Variants in CSMD1 observed in about 807,000 individuals in gnomAD.
CSMD1 encodes the protein CUB and Sushi multiple domains 1.
In CSMD1, 213 loss-of-function variants were observed where a neutral mutation model predicts 417.5. The observed-to-expected ratio is 0.51, with a 90% CI of 0.46 to 0.57. CSMD1 has a LOEUF of 0.57. CSMD1 is among the 20% of genes least tolerant of loss of function. CSMD1 has a pLI of 0.00. For synonymous variants in CSMD1, 2,862 were observed against 1,736.8 expected (o/e 1.65, Z -16.11); for missense variants, 6,923 against 4,529.7 (o/e 1.53, Z -15.17).
intron 5 of CSMD1, among the ~76,000 whole-genome samples, chr8:3,861,465 G>C (rs934326540): frequency 2.6e-5 from 4 of 152,172 alleles, no homozygotes; most frequent in Non-Finnish European, 5.9e-5. Context: ...TATAGCATTT[G>C]AGAGGCCATA....
At chr8:4,716,152 A>G (rs565301742) in intron 1 of CSMD1, among the ~76,000 whole-genome samples, 3 of 152,186 alleles carry the variant, frequency 2.0e-5, no homozygotes, top group African/African-American at 7.2e-5. Flanking sequence ...AGCCAGGCTG[A>G]CTTCACACTT....
intron 3 of CSMD1, among the ~76,000 whole-genome samples, chr8:4,269,151 G>A (rs142412818): frequency 1.2e-4 from 18 of 152,172 alleles, no homozygotes; most frequent in African/African-American, 4.1e-4. Context: ...CTGTCTCCTG[G>A]GTTTAAACCA....
intron 7 of CSMD1, among the ~76,000 whole-genome samples, chr8:3,660,664 G>A (rs1798369994): frequency 6.6e-6 from 1 of 151,734 alleles, no homozygotes; most frequent in Non-Finnish European, 1.5e-5. Flanking sequence ...GGGATTACAG[G>A]GTCCCTCCAC....
At chr8:3,744,502 TAAA>T (rs1796970742) in intron 6 of CSMD1, among the ~76,000 whole-genome samples, 1 of 151,978 alleles carries the variant, frequency 6.6e-6, no homozygotes, top group Non-Finnish European at 1.5e-5. Context: ...CAAAAATAAA[TAAA>T]TAAATAAATA....
rs536269999 is a variant in CSMD1 at position 4,545,610 on chromosome 8, GA to G, written c.302+91731del. Among the ~76,000 whole-genome samples the G allele has an allele frequency of 2.0e-5, 3 of 152,188 alleles. No homozygotes were observed. The East Asian group carries it at 5.8e-4, about 29-fold the overall frequency. On this transcript the variant is annotated intron_variant, in intron 2 of 69. Transcript: ENST00000635120. ...ACTGGCAACAGAAGCCCTGGCTAGA[GA>G]AAAAGTGGTTGGCTGGTTCGTGGCT...
At chr8:3,703,247 C>A (rs1344258149) in intron 7 of CSMD1, among the ~76,000 whole-genome samples, 1 of 152,090 alleles carries the variant, frequency 6.6e-6, no homozygotes, top group Non-Finnish European at 1.5e-5. Flanking sequence ...TCGCGCTGCC[C>A]TATGTGGTTA....
chr8:3,915,410 A>G (rs1312702789), intron 5 of CSMD1, among the ~76,000 whole-genome samples: 1 of 149,008 alleles, frequency 6.7e-6, no homozygotes, highest in Admixed American at 6.7e-5. Flanking sequence ...TGTCTCAAAA[A>G]AAAAAAAAAA....
chr8:3,916,368 A>T (rs1808830732), intron 5 of CSMD1, among the ~76,000 whole-genome samples: 2 of 152,172 alleles, frequency 1.3e-5, no homozygotes, highest in African/African-American at 2.4e-5. Context: ...AAGCCTCTGT[A>T]CATAGGAGGT....
At chr8:3,507,312 T>C (rs1295509937) in intron 10 of CSMD1, among the ~76,000 whole-genome samples, 1 of 152,236 alleles carries the variant, frequency 6.6e-6, no homozygotes, top group Non-Finnish European at 1.5e-5. Context: ...GCTTCATCCA[T>C]GTCCCTAAAA....
rs572885275 is a variant in CSMD1 at position 3,313,993 on chromosome 8, C to T, written c.3632-5490G>A. ...TAGGGACATGGATGAAGCTGGAAAC[C>T]ATCATTCTCAGCAAACTATCACAAG... On this transcript the variant is annotated intron_variant, in intron 23 of 69. Transcript: ENST00000635120. Among the ~76,000 whole-genome samples, 418 of 152,104 alleles carry T rather than the reference C, an allele frequency of 2.7e-3. 6 individuals are homozygous for T. The highest frequency in any genetic ancestry group is 1.1e-3 in the Non-Finnish European group (73 of 68,006).
chr8:4,081,631 G>T (rs78806811), intron 3 of CSMD1, among the ~76,000 whole-genome samples: 159 of 152,244 alleles, frequency 1.0e-3, no homozygotes, highest in African/African-American at 3.8e-3. Flanking sequence ...GACAAATGGA[G>T]ATATGGACTA....
intron 7 of CSMD1, among the ~76,000 whole-genome samples, chr8:3,638,479 G>A (rs1408321347): frequency 6.6e-6 from 1 of 152,010 alleles, no homozygotes; most frequent in Non-Finnish European, 1.5e-5. Context: ...TCTGAAACCT[G>A]GAGACGTGAT....
chr8:2,976,320 T>C (rs1328406845), intron 55 of CSMD1, among the ~76,000 whole-genome samples: 1 of 152,130 alleles, frequency 6.6e-6, no homozygotes, highest in African/African-American at 2.4e-5. Flanking sequence ...ATTGTGTATG[T>C]GGTAGATCCG....
intron 1 of CSMD1, among the ~76,000 whole-genome samples, chr8:4,991,505 A>C (rs1410922494): frequency 1.3e-5 from 2 of 152,182 alleles, no homozygotes; most frequent in Non-Finnish European, 2.9e-5. Context: ...CCACGCATCA[A>C]AAACTCTGCG....
chr8:4,972,449 G>C (rs1810299325), intron 1 of CSMD1, among the ~76,000 whole-genome samples: 1 of 152,120 alleles, frequency 6.6e-6, no homozygotes. Context: ...GTGTTTGGTA[G>C]TTCTTCCTGT....
chr8:3,748,077 G>C (rs1797146817), intron 6 of CSMD1, among the ~76,000 whole-genome samples: 3 of 152,166 alleles, frequency 2.0e-5, no homozygotes. Context: ...TTAATGAAAA[G>C]TGCAGAGTAA....
chr8:3,581,631 C>T (rs1333926089), intron 9 of CSMD1, among the ~76,000 whole-genome samples: 1 of 152,144 alleles, frequency 6.6e-6, no homozygotes, highest in African/African-American at 2.4e-5. Flanking sequence ...CTGGATGCAC[C>T]TCGCTGGAAT....
rs769365596 is a variant in CSMD1 at position 3,859,486 on chromosome 8, G to C, written c.819-105444C>G. Among the ~76,000 whole-genome samples, 88 of 152,310 alleles carry C rather than the reference G, an allele frequency of 5.8e-4. No individual in the cohort carries two copies. The Middle Eastern group carries it at 0.01, about 18-fold the overall frequency. Reference sequence around the variant, plus strand: ...CTTGGTTTCTGGGAGGAGAATCTTTGCCATACTTATATCTTCGTTTACAGC... The same window carrying C: ...CTTGGTTTCTGGGAGGAGAATCTTTCCCATACTTATATCTTCGTTTACAGC... On this transcript the variant is annotated intron_variant, in intron 5 of 69. Transcript: ENST00000635120.
chr8:4,426,133 G>A (rs1323047283), intron 2 of CSMD1, among the ~76,000 whole-genome samples: 1 of 151,518 alleles, frequency 6.6e-6, no homozygotes, highest in Non-Finnish European at 1.5e-5. Context: ...CAGAGAGACT[G>A]ACATTAATTT....
Sources: allele counts gnomAD v4.1 joint callset (sites outside exome capture counted in the v4.1 genomes callset), GRCh38; gene constraint gnomAD v4.1.1; transcripts MANE v1.5; gene names NCBI Gene and HGNC (gene_info 2026-07-23, HGNC 2026-07-21).